GRK3: variants seen among roughly 807,000 people sequenced by gnomAD.
The protein encoded by GRK3 is adrenergic, beta, receptor kinase 2.
A neutral mutation model predicts 95.7 loss-of-function variants in GRK3; 54 were observed. The ratio of observed to expected loss-of-function variants is 0.56; its 90% CI spans 0.45 to 0.71. The LOEUF is 0.71. Ranked by LOEUF, GRK3 falls within the 30% of genes least tolerant of loss-of-function variation. GRK3 has a pLI of 0.00. For missense variants in GRK3, 649 were observed against 851.2 expected, an observed-to-expected ratio of 0.76 and a Z score of 2.96; for synonymous variants, 281 against 290.8, an observed-to-expected ratio of 0.97 and a Z score of 0.34.
At chr22:25,703,214 T>G (rs2085272088) in intron 13 of GRK3, among the ~76,000 whole-genome samples, 1 of 152,218 alleles carries the variant, frequency 6.6e-6, no homozygotes, top group Admixed American at 6.5e-5. Context: ...GATTACCTGT[T>G]GGCTAGTTAT....
chr22:25,582,077 G>A (rs1266631842), intron 1 of GRK3, among the ~76,000 whole-genome samples: 1 of 152,170 alleles, frequency 6.6e-6, no homozygotes, highest in African/African-American at 2.4e-5. Flanking sequence ...AGGAGTTCGA[G>A]ACCAGCCTGG....
At chr22:25,589,944 A>G (rs1384825544) in intron 1 of GRK3, among the ~76,000 whole-genome samples, 1 of 152,182 alleles carries the variant, frequency 6.6e-6, no homozygotes, top group Non-Finnish European at 1.5e-5. Context: ...AGACTAATTC[A>G]CTATCATGAA....
intron 1 of GRK3, among the ~76,000 whole-genome samples, chr22:25,575,256 CCTT>C (rs1328532757): frequency 6.6e-6 from 1 of 152,106 alleles, no homozygotes; most frequent in African/African-American, 2.4e-5. Flanking sequence ...TTTGGAAACT[CCTT>C]CTTTTGAGAT....
At chr22:25,596,020 T>C (rs1490873804) in intron 1 of GRK3, among the ~76,000 whole-genome samples, 4 of 152,172 alleles carry the variant, frequency 2.6e-5, no homozygotes, top group Non-Finnish European at 5.9e-5. Context: ...TCAAGGAAGA[T>C]GATTACATGA....
At chr22:25,695,021 A>C (rs1399009101) in intron 12 of GRK3, 86 bp from the exon 13 acceptor site, 7 of 873,280 alleles carry the variant, frequency 8.0e-6, no homozygotes, top group African/African-American at 1.7e-5. Context: ...CTGCCATCTA[A>C]TGAAGGACAC....
intron 1 of GRK3, among the ~76,000 whole-genome samples, chr22:25,578,515 G>A (rs945926286): frequency 2.9e-4 from 44 of 152,176 alleles, no homozygotes; most frequent in Admixed American, 2.8e-3. Flanking sequence ...GGGGGCGTTA[G>A]GGGTGTAGGT....
At chr22:25,569,505 A>G (rs1013330907) in intron 1 of GRK3, among the ~76,000 whole-genome samples, 2 of 152,144 alleles carry the variant, frequency 1.3e-5, no homozygotes, top group African/African-American at 4.8e-5. Flanking sequence ...TTTACACGCA[A>G]TGGATTCTTA....
intron 3 of GRK3, among the ~76,000 whole-genome samples, chr22:25,650,382 T>C (rs1450348770): frequency 2.0e-5 from 3 of 152,176 alleles, no homozygotes; most frequent in Non-Finnish European, 2.9e-5. Flanking sequence ...GGGGAAATCT[T>C]TTAATCTTTA....
At chr22:25,653,566 C>T (rs1291581442) in intron 3 of GRK3, among the ~76,000 whole-genome samples, 1 of 152,210 alleles carries the variant, frequency 6.6e-6, no homozygotes, top group Non-Finnish European at 1.5e-5. Flanking sequence ...GATATTAACA[C>T]ATAACCTTCT....
chr22:25,718,524 C>G, intron 19 of GRK3, 143 bp downstream of exon 19: 1 of 958,644 alleles, frequency 1.0e-6, no homozygotes, highest in African/African-American at 1.6e-5. Flanking sequence ...TTGTAATGTG[C>G]AAACTTTAAC....
intron 1 of GRK3, among the ~76,000 whole-genome samples, chr22:25,589,973 C>T (rs553829996): frequency 7.2e-5 from 11 of 152,234 alleles, no homozygotes; most frequent in African/African-American, 2.2e-4. Flanking sequence ...GGGAAAGATC[C>T]GGCTCCATGA....
chr22:25,687,438 T>A, intron 10 of GRK3, 99 bp from the exon 11 acceptor site: 1 of 1,276,908 alleles, frequency 7.8e-7, no homozygotes, highest in Admixed American at 2.2e-5. Flanking sequence ...AGAAGCATAG[T>A]TTCCCTTTTT....
At chr22:25,648,751 G>C (rs914336054) in intron 3 of GRK3, 3 of 1,126,848 alleles carry the variant, frequency 2.7e-6, no homozygotes, top group African/African-American at 1.5e-5. Flanking sequence ...ATTGCTGATG[G>C]TATGGCATAT....
chr22:25,588,062 G>A (rs1229512970), intron 1 of GRK3, among the ~76,000 whole-genome samples: 1 of 152,088 alleles, frequency 6.6e-6, no homozygotes, highest in East Asian at 1.9e-4. Flanking sequence ...GCCCCTCAAA[G>A]CGCTGGGATT....
Position 25,725,766 on chromosome 22 carries a change from G to A in GRK3, c.*3316G>A, listed in dbSNP as rs2085468559. The A allele has an allele frequency of 2.5e-6, 1 of 395,290 alleles. No individual in the cohort carries two copies. Among genetic ancestry groups the A allele is most frequent in the Non-Finnish European group, 4.5e-6 (1 of 224,558 alleles). The allele number at this position is 395,290 out of a possible 1,614,324, so 24.5% of individuals were successfully genotyped here. A position where few individuals can be genotyped will look rare whatever the true frequency, so the allele number is the denominator to read the frequency against. ...TTGAGACCATCCTGGTTAGCAGAGT[G>A]AAACCCCGTCTCTACTAAAAATACA... On this transcript the variant is annotated 3_prime_UTR_variant, in exon 21 of 21. Coordinates refer to ENST00000324198, the MANE Select transcript of GRK3 (RefSeq NM_005160.4).
chr22:25,675,273 A>G (rs1357849588), intron 8 of GRK3, among the ~76,000 whole-genome samples: 5 of 152,180 alleles, frequency 3.3e-5, no homozygotes, highest in African/African-American at 9.6e-5. Context: ...CTGGTTCGCT[A>G]GATCAGTAGC....
At chr22:25,628,098 G>C (rs763745872) in intron 2 of GRK3, among the ~76,000 whole-genome samples, 1 of 152,162 alleles carries the variant, frequency 6.6e-6, no homozygotes, top group Non-Finnish European at 1.5e-5. Context: ...CCTAAGAAAA[G>C]ATTTTCAATG....
In GRK3 at chr22:25,571,829, C is replaced by T. The variant is rs184124873; in HGVS notation, c.113+6676C>T. 2.0e-5 allele frequency among the ~76,000 whole-genome samples: 3 copies of T among 152,118 alleles called. No individual in the cohort carries two copies. The East Asian group carries it at 5.8e-4, about 29-fold the overall frequency. ...TATTGTGGTACTGTGTGTCTAGAAC[C>T]TTCTACACATGATACCTTACTCACA... On this transcript the variant is annotated intron_variant, in intron 1 of 20. Coordinates refer to ENST00000324198, the MANE Select transcript of GRK3 (RefSeq NM_005160.4).
intron 13 of GRK3, 22 bp from the exon 14 acceptor site, chr22:25,703,488 G>A: frequency 6.3e-7 from 1 of 1,595,442 alleles, no homozygotes; most frequent in South Asian, 1.1e-5. Flanking sequence ...TATTTTGATA[G>A]AACAATTCTT....
Sources: allele counts gnomAD v4.1 joint callset (sites outside exome capture counted in the v4.1 genomes callset), GRCh38; gene constraint gnomAD v4.1.1; transcripts MANE v1.5; gene names NCBI Gene and HGNC (gene_info 2026-07-23, HGNC 2026-07-21).